The following CTNNA3 variants were observed in gnomAD, a reference collection of about 807,000 sequenced individuals.
CTNNA3 encodes catenin alpha 3.
CTNNA3 carries 76 observed loss-of-function variants against 95.7 expected under a neutral mutation model. The ratio of observed to expected loss-of-function variants is 0.79; its 90% CI spans 0.66 to 0.96. The LOEUF (loss-of-function observed/expected upper bound fraction) is 0.96. Ranked by LOEUF, CTNNA3 falls within the 40% of genes least tolerant of loss-of-function variation. The probability of loss-of-function intolerance (pLI) is 0.00; values close to 1 mark genes in which losing one functional copy is unlikely to be tolerated. For synonymous variants in CTNNA3, 431 were observed against 374.4 expected (o/e 1.15, Z -1.74); for missense variants, 1,191 against 1,089.8 (o/e 1.09, Z -1.31).
intron 1 of CTNNA3, among the ~76,000 whole-genome samples, chr10:67,757,601 C>T (rs2131754761): frequency 6.6e-6 from 1 of 152,240 alleles, no homozygotes; most frequent in South Asian, 2.1e-4. Flanking sequence ...ATGCTTCCTG[C>T]CCTCGAACAT....
chr10:66,968,847 T>C (rs2132815410), intron 7 of CTNNA3, among the ~76,000 whole-genome samples: 1 of 151,938 alleles, frequency 6.6e-6, no homozygotes, highest in East Asian at 1.9e-4. Context: ...TGAAACCCTG[T>C]CTCTACCAAA....
chr10:66,117,626 T>C (rs1564663590), intron 13 of CTNNA3, among the ~76,000 whole-genome samples: 1 of 152,162 alleles, frequency 6.6e-6, no homozygotes, highest in Non-Finnish European at 1.5e-5. Flanking sequence ...CTACCAAATG[T>C]AGGCTTTTCT....
chr10:66,926,961 A>G, intron 7 of CTNNA3: 4 of 1,613,388 alleles, frequency 2.5e-6, no homozygotes, highest in Non-Finnish European at 3.4e-6. Flanking sequence ...CAGCTGTAGC[A>G]CTGGTTATAG....
At chr10:66,737,495 T>TA (rs1176965676) in intron 9 of CTNNA3, among the ~76,000 whole-genome samples, 2 of 152,176 alleles carry the variant, frequency 1.3e-5, no homozygotes, top group African/African-American at 4.8e-5. Context: ...TCATCAATGA[T>TA]ATATGTTTTG....
intron 13 of CTNNA3, among the ~76,000 whole-genome samples, chr10:66,199,272 A>C (rs1291964243): frequency 6.6e-6 from 1 of 152,174 alleles, no homozygotes; most frequent in Admixed American, 6.5e-5. Flanking sequence ...GATTGACTGT[A>C]TTAAAAGCAT....
At chr10:66,577,725 C>G (rs187154530) in intron 10 of CTNNA3, among the ~76,000 whole-genome samples, 2 of 152,044 alleles carry the variant, frequency 1.3e-5, no homozygotes, top group Non-Finnish European at 2.9e-5. Context: ...GTTACTGCAG[C>G]CTTGTAGTAT....
chr10:67,576,542 C>CTTTAT (rs962735290), intron 3 of CTNNA3, among the ~76,000 whole-genome samples: 8 of 145,996 alleles, frequency 5.5e-5, no homozygotes, highest in South Asian at 2.1e-4. Context: ...CAGATAGTTT[C>CTTTAT]TTTATTTTAT....
At chr10:66,962,240 T>C (rs1451508460) in intron 7 of CTNNA3, among the ~76,000 whole-genome samples, 1 of 152,080 alleles carries the variant, frequency 6.6e-6, no homozygotes, top group Non-Finnish European at 1.5e-5. Flanking sequence ...TTTCATACAA[T>C]ATACATTTTC....
At position 66,807,191 on chromosome 10, in the gene CTNNA3, C is replaced by G. The variant is rs1311444671; in HGVS notation, c.1048-31667G>C. Among the ~76,000 whole-genome samples, 3 of 152,146 alleles carry G rather than the reference C, an allele frequency of 2.0e-5. No individual in the cohort carries two copies. In the East Asian group the frequency reaches 5.8e-4, roughly 29 times the overall value. On this transcript the variant is annotated intron_variant, in intron 7 of 17. Coordinates refer to ENST00000433211, the MANE Select transcript of CTNNA3 (RefSeq NM_013266.4). The stretch of plus-strand genomic sequence containing the variant: ...GGTGCGCACTGTGAAAAATTACCTA[C>G]TTGTTAACTGTTGTACCTGGAGCTC...
intron 5 of CTNNA3, among the ~76,000 whole-genome samples, chr10:67,493,973 G>A (rs941348754): frequency 7.9e-5 from 12 of 152,200 alleles, no homozygotes; most frequent in African/African-American, 2.9e-4. Flanking sequence ...AAAGTTGACA[G>A]TAAAGGCAAA....
chr10:66,384,044 G>T (rs971926412), intron 11 of CTNNA3, among the ~76,000 whole-genome samples: 3 of 151,984 alleles, frequency 2.0e-5, no homozygotes, highest in African/African-American at 7.2e-5. Flanking sequence ...TCAACTAACA[G>T]GCAAAATAGC....
At chr10:66,892,917 A>C (rs1037280719) in intron 7 of CTNNA3, among the ~76,000 whole-genome samples, 2 of 152,122 alleles carry the variant, frequency 1.3e-5, no homozygotes, top group African/African-American at 4.8e-5. Flanking sequence ...AACCATTTTG[A>C]ATAAATCACT....
chr10:65,948,948 A>C (rs2077567486), intron 17 of CTNNA3, among the ~76,000 whole-genome samples: 1 of 152,126 alleles, frequency 6.6e-6, no homozygotes, highest in South Asian at 2.1e-4. Flanking sequence ...TAATCCCAAA[A>C]GTCTTTATAC....
chr10:66,405,605 A>C (rs577983951), intron 11 of CTNNA3, among the ~76,000 whole-genome samples: 1 of 152,058 alleles, frequency 6.6e-6, no homozygotes, highest in Admixed American at 6.6e-5. Context: ...CTAACTTGAA[A>C]CCACAAAAAC....
At chr10:66,658,661 G>A (rs1228972402) in intron 9 of CTNNA3, among the ~76,000 whole-genome samples, 1 of 152,170 alleles carries the variant, frequency 6.6e-6, no homozygotes, top group Non-Finnish European at 1.5e-5. Flanking sequence ...AAGGTAGCCT[G>A]ATCATCTGCC....
chr10:67,585,546 C>T (rs1321971392), intron 3 of CTNNA3, among the ~76,000 whole-genome samples: 1 of 152,022 alleles, frequency 6.6e-6, no homozygotes, highest in Non-Finnish European at 1.5e-5. Flanking sequence ...TCTATTCTTT[C>T]CTGCTTCAAT....
chr10:66,480,040 A>G (rs780388885), intron 11 of CTNNA3, among the ~76,000 whole-genome samples: 16 of 152,100 alleles, frequency 1.1e-4, no homozygotes, highest in Admixed American at 2.0e-4. Flanking sequence ...ATGAACTGAA[A>G]TCTAATATCA....
rs763591205 is a variant in CTNNA3, at chr10:65,920,511, T to C, written c.2507A>G (p.Gln836Arg). The C allele has an allele frequency of 6.2e-7, 1 of 1,614,222 alleles. No individual in the cohort carries two copies. Among genetic ancestry groups the C allele is most frequent in the Admixed American group, 1.7e-5 (1 of 60,028 alleles). Reference protein sequence around the residue: ...YIASTKIIRIQSPAGPRHPVV... With the variant: ...YIASTKIIRIRSPAGPRHPVV... ...TGGGTGCCGGGGCCCAGCAGGACTC[T>C]GGATTCGGATGATCTTGGTTGAGGC... Residue 836 changes from glutamine (Q) to arginine (R), a missense_variant, in exon 18 of 18, where the codon CAG (glutamine) becomes CGG (arginine). Gln to Arg is a conservative substitution (Grantham distance 43). Transcript: ENST00000433211.
chr10:66,512,093 T>C (rs1279815689), intron 11 of CTNNA3, among the ~76,000 whole-genome samples: 5 of 152,008 alleles, frequency 3.3e-5, no homozygotes, highest in African/African-American at 1.2e-4. Context: ...TTCTTTCCTC[T>C]TGCTGAATTG....
Sources: gnomAD v4.1 joint callset for allele counts (sites outside exome capture counted in the v4.1 genomes callset) on GRCh38, gnomAD v4.1.1 for gene constraint, MANE v1.5 for transcripts, NCBI Gene and HGNC (gene_info 2026-07-23, HGNC 2026-07-21) for gene names.